The following PAG1 variants were observed in gnomAD, a reference collection of about 807,000 sequenced individuals.
The protein encoded by PAG1 is phosphoprotein membrane anchor with glycosphingolipid microdomains 1.
Under a neutral mutation model 31.7 loss-of-function variants are expected in PAG1, and 23 were observed. That is an observed-to-expected ratio of 0.73 (90% CI 0.52 to 1.03). The LOEUF (loss-of-function observed/expected upper bound fraction) is 1.03, where lower values mean the gene tolerates loss of function less well. Among genes scored for constraint, PAG1 ranks in the 50% least tolerant of loss-of-function variants. The probability of loss-of-function intolerance (pLI) is 0.00; values close to 1 mark genes in which losing one functional copy is unlikely to be tolerated. For synonymous variants in PAG1, 214 were observed against 210.3 expected (o/e 1.02, Z -0.15); for missense variants, 473 against 540.7 (o/e 0.87, Z 1.24).
intron 1 of PAG1, among the ~76,000 whole-genome samples, chr8:81,099,656 CAG>C (rs1809580256): frequency 2.0e-5 from 3 of 152,212 alleles, no homozygotes; most frequent in Admixed American, 6.5e-5. Flanking sequence ...TATATAAGGA[CAG>C]AAAGTGAGAC....
At chr8:80,985,434 C>A in intron 6 of PAG1, 57 bp from the exon 7 acceptor site, 1 of 1,523,262 alleles carries the variant, frequency 6.6e-7, no homozygotes, top group African/African-American at 1.4e-5. Flanking sequence ...TAATTATTAC[C>A]GAGAATCAGG....
At chr8:81,000,176 A>G (rs1807759897) in intron 3 of PAG1, among the ~76,000 whole-genome samples, 1 of 152,160 alleles carries the variant, frequency 6.6e-6, no homozygotes, top group Non-Finnish European at 1.5e-5. Flanking sequence ...CCTTGAGGGC[A>G]GGGATGTCTC....
chr8:81,078,850 C>T (rs1809218945), intron 1 of PAG1, among the ~76,000 whole-genome samples: 1 of 152,144 alleles, frequency 6.6e-6, no homozygotes, highest in Admixed American at 6.6e-5. Context: ...CAAGCTTACA[C>T]AATAGTATGA....
At chr8:81,073,559 G>C (rs746677881) in intron 1 of PAG1, among the ~76,000 whole-genome samples, 2 of 152,138 alleles carry the variant, frequency 1.3e-5, no homozygotes, top group Non-Finnish European at 2.9e-5. Flanking sequence ...TACATGTGTG[G>C]ATATGCAGTT....
At chr8:81,012,871 G>A (rs1239223474) in intron 3 of PAG1, among the ~76,000 whole-genome samples, 4 of 152,282 alleles carry the variant, frequency 2.6e-5, no homozygotes, top group East Asian at 1.9e-4. Context: ...ATGCAAACTC[G>A]CATTGATCAA....
At chr8:81,073,189 A>G (rs1295999199) in intron 1 of PAG1, among the ~76,000 whole-genome samples, 1 of 152,178 alleles carries the variant, frequency 6.6e-6, no homozygotes, top group African/African-American at 2.4e-5. Flanking sequence ...TAGCCATGAT[A>G]TATCTCTTTT....
intron 3 of PAG1, among the ~76,000 whole-genome samples, chr8:81,005,735 C>G (rs562497912): frequency 1.3e-5 from 2 of 152,268 alleles, no homozygotes; most frequent in Admixed American, 6.5e-5. Flanking sequence ...CCTGCAGGTC[C>G]GTTCAGCACA....
intron 2 of PAG1, among the ~76,000 whole-genome samples, chr8:81,050,985 C>T (rs1411232822): frequency 6.6e-6 from 1 of 152,214 alleles, no homozygotes; most frequent in Non-Finnish European, 1.5e-5. Context: ...TCTTTCTCTA[C>T]AGGATGGTGA....
At chr8:81,044,924 T>C (rs1808615793) in intron 2 of PAG1, among the ~76,000 whole-genome samples, 2 of 152,174 alleles carry the variant, frequency 1.3e-5, no homozygotes, top group South Asian at 4.1e-4. Context: ...CCCACCAGTC[T>C]CCCCGGGCAT....
chr8:81,000,717 T>G (rs1185184340), intron 3 of PAG1, among the ~76,000 whole-genome samples: 1 of 152,124 alleles, frequency 6.6e-6, no homozygotes, highest in Non-Finnish European at 1.5e-5. Flanking sequence ...GCTGGGATTA[T>G]AGGCATGAGC....
chr8:81,084,421 T>C (rs1354717863), intron 1 of PAG1, among the ~76,000 whole-genome samples: 1 of 152,150 alleles, frequency 6.6e-6, no homozygotes, highest in African/African-American at 2.4e-5. Context: ...TAAGAAAAAC[T>C]TCAAAACCAT....
At chr8:80,995,614 G>T (rs979493565) in intron 3 of PAG1, among the ~76,000 whole-genome samples, 36 of 152,170 alleles carry the variant, frequency 2.4e-4, no homozygotes, top group African/African-American at 8.2e-4. Flanking sequence ...CAGACAAAAG[G>T]TATCTATCTC....
At chr8:81,058,051 G>T (rs1010584036) in intron 2 of PAG1, among the ~76,000 whole-genome samples, 1 of 152,156 alleles carries the variant, frequency 6.6e-6, no homozygotes, top group Non-Finnish European at 1.5e-5. Context: ...TGACATGGAA[G>T]GGATTAGGGA....
intron 3 of PAG1, among the ~76,000 whole-genome samples, chr8:81,013,061 A>G (rs1808011851): frequency 6.6e-6 from 1 of 152,236 alleles, no homozygotes; most frequent in Admixed American, 6.5e-5. Flanking sequence ...CTGTATAACT[A>G]TCCAGAATCA....
chr8:81,085,522 C>T (rs1397710519), intron 1 of PAG1, among the ~76,000 whole-genome samples: 1 of 152,184 alleles, frequency 6.6e-6, no homozygotes, highest in Non-Finnish European at 1.5e-5. Context: ...ACATGCAAGT[C>T]CAAAACAGCC....
intron 1 of PAG1, among the ~76,000 whole-genome samples, chr8:81,082,594 T>C (rs1347278090): frequency 6.6e-6 from 1 of 152,196 alleles, no homozygotes; most frequent in Non-Finnish European, 1.5e-5. Flanking sequence ...TGAGGCTCTC[T>C]ATTCTATTTT....
intron 8 of PAG1, among the ~76,000 whole-genome samples, chr8:80,980,100 C>T (rs756571719): frequency 6.6e-6 from 1 of 152,116 alleles, no homozygotes; most frequent in Non-Finnish European, 1.5e-5. Flanking sequence ...GATTCATTTC[C>T]TTCTGATGTG....
intron 3 of PAG1, among the ~76,000 whole-genome samples, chr8:80,993,758 A>G (rs1807611579): frequency 6.8e-6 from 1 of 147,368 alleles, no homozygotes; most frequent in African/African-American, 2.5e-5. Context: ...GGCATGCGCC[A>G]CCATTCCTGG....
rs1346004081 is a variant in PAG1, at chr8:80,974,506, A to G, written c.*2038T>C. ...AGTGATGATTGTGCTTATGCACACGACATCTTCATGGGAGAGACCAGGCTG... is the reference window on the plus strand; with the variant it reads ...AGTGATGATTGTGCTTATGCACACGGCATCTTCATGGGAGAGACCAGGCTG... On this transcript the variant is annotated 3_prime_UTR_variant, in exon 9 of 9. Coordinates refer to ENST00000220597, the MANE Select transcript of PAG1 (RefSeq NM_018440.4). 1 of 152,246 alleles carries G rather than the reference A, an allele frequency of 6.6e-6. No homozygotes were observed. The highest frequency in any genetic ancestry group is 2.4e-5 in the African/African-American group (1 of 41,466). The allele number at this position is 152,246 out of a possible 1,614,324, so 9.4% of individuals were successfully genotyped here.
Sources: allele counts gnomAD v4.1 joint callset (sites outside exome capture counted in the v4.1 genomes callset), GRCh38; gene constraint gnomAD v4.1.1; transcripts MANE v1.5; gene names NCBI Gene and HGNC (gene_info 2026-07-23, HGNC 2026-07-21).